Variants in MND1 observed in about 807,000 individuals in gnomAD.
MND1 encodes meiotic nuclear divisions 1, also known as meiotic nuclear division protein 1 homolog.
MND1 carries 28 observed loss-of-function variants against 35.1 expected under a neutral mutation model. The observed-to-expected ratio is 0.80, with a 90% CI of 0.59 to 1.09. The LOEUF is 1.09. Among genes scored for constraint, MND1 ranks in the 50% least tolerant of loss-of-function variants. The probability of loss-of-function intolerance (pLI) is 0.00; values close to 1 mark genes in which losing one functional copy is unlikely to be tolerated. For missense variants in MND1, 213 were observed against 239.6 expected, an observed-to-expected ratio of 0.89 and a Z score of 0.73; for synonymous variants, 69 against 70.5, an observed-to-expected ratio of 0.98 and a Z score of 0.11.
chr4:153,386,525 G>C (rs1319054542), intron 4 of MND1, among the ~76,000 whole-genome samples: 1 of 151,968 alleles, frequency 6.6e-6, no homozygotes, highest in South Asian at 2.1e-4. Context: ...AGACCAACCT[G>C]ACCAACATCG....
chr4:153,377,531 G>A (rs962075261), intron 4 of MND1, among the ~76,000 whole-genome samples: 1 of 152,154 alleles, frequency 6.6e-6, no homozygotes, highest in Non-Finnish European at 1.5e-5. Flanking sequence ...CTGTTCTCTA[G>A]AACCTCTCAC....
intron 4 of MND1, among the ~76,000 whole-genome samples, chr4:153,362,530 TGCAGAAGCA>T (rs1773521739): frequency 6.6e-6 from 1 of 152,238 alleles, no homozygotes; most frequent in African/African-American, 2.4e-5. Flanking sequence ...AAGTAGAGCC[TGCAGAAGCA>T]TGAACCAATT....
intron 4 of MND1, among the ~76,000 whole-genome samples, chr4:153,381,462 A>G (rs1456415670): frequency 2.7e-5 from 4 of 150,896 alleles, no homozygotes; most frequent in Admixed American, 6.6e-5. Flanking sequence ...TTTATTCTAC[A>G]AAAAACTGGG....
rs1027117652 is a variant in MND1, at chr4:153,344,715, G to A, written c.-23G>A. 2 of 1,588,708 alleles carry A rather than the reference G, an allele frequency of 1.3e-6. No individual in the cohort carries two copies. The highest frequency in any genetic ancestry group is 1.7e-6 in the Non-Finnish European group (2 of 1,168,942). The stretch of plus-strand genomic sequence containing the variant: ...CTCTCCCCAAGCGCGGGCCCGGCCA[G>A]CGGAAGCCCCTGCGCCCGCGCCATG... On this transcript the variant is annotated 5_prime_UTR_variant, in exon 1 of 8. Transcript: ENST00000240488.
intron 6 of MND1, 90 bp downstream of exon 6, chr4:153,397,423 T>C: frequency 1.2e-6 from 1 of 849,784 alleles, no homozygotes; most frequent in Non-Finnish European, 1.8e-6. Context: ...TCTCCATGTA[T>C]ATGAGAAAAT....
At chr4:153,392,916 TCAAGAC>T (rs1729085949) in intron 4 of MND1, among the ~76,000 whole-genome samples, 1 of 152,100 alleles carries the variant, frequency 6.6e-6, no homozygotes, top group Non-Finnish European at 1.5e-5. Flanking sequence ...GCCTAGGGAT[TCAAGAC>T]CAGCCTGGGC....
At chr4:153,358,969 G>A (rs879733220) in intron 4 of MND1, among the ~76,000 whole-genome samples, 4 of 151,942 alleles carry the variant, frequency 2.6e-5, no homozygotes, top group African/African-American at 7.3e-5. Context: ...CCCTCACCAC[G>A]CACACAATTT....
At chr4:153,351,510 T>C (rs1289243211) in intron 2 of MND1, among the ~76,000 whole-genome samples, 1 of 152,198 alleles carries the variant, frequency 6.6e-6, no homozygotes, top group Non-Finnish European at 1.5e-5. Context: ...GGAAAAGTAA[T>C]GGAGGCCATT....
At chr4:153,413,977 TC>T (rs960907898) in intron 7 of MND1, among the ~76,000 whole-genome samples, 2 of 152,196 alleles carry the variant, frequency 1.3e-5, no homozygotes, top group African/African-American at 4.8e-5. Flanking sequence ...ACATTTCTGT[TC>T]TTAGTCTTAA....
At chr4:153,360,594 G>A (rs1231912667) in intron 4 of MND1, among the ~76,000 whole-genome samples, 2 of 145,250 alleles carry the variant, frequency 1.4e-5, no homozygotes, top group Non-Finnish European at 3.0e-5. Context: ...ATGTGTGTGT[G>A]TGTGTGTGTG....
chr4:153,344,655 C>T (rs1350647486), upstream of MND1: 6 of 1,291,878 alleles, frequency 4.6e-6, no homozygotes, highest in African/African-American at 9.2e-5. Context: ...GCGTAGTCGG[C>T]GCCAAAATCA....
chr4:153,380,303 T>A (rs920090984), intron 4 of MND1, among the ~76,000 whole-genome samples: 1 of 151,034 alleles, frequency 6.6e-6, no homozygotes, highest in Non-Finnish European at 1.5e-5. Context: ...ACTAGATTTC[T>A]TTTTTTTTGG....
chr4:153,372,759 A>G (rs1051420137), intron 4 of MND1, among the ~76,000 whole-genome samples: 2 of 152,158 alleles, frequency 1.3e-5, no homozygotes, highest in East Asian at 1.9e-4. Flanking sequence ...ACTCAATAAA[A>G]TTATTTTAAG....
chr4:153,386,026 T>A (rs997216609), intron 4 of MND1, among the ~76,000 whole-genome samples: 1 of 152,118 alleles, frequency 6.6e-6, no homozygotes, highest in African/African-American at 2.4e-5. Flanking sequence ...GTTCACTGAT[T>A]GTAGCAAATG....
At chr4:153,353,317 A>G (rs887687783) in intron 2 of MND1, among the ~76,000 whole-genome samples, 28 of 150,174 alleles carry the variant, frequency 1.9e-4, no homozygotes, top group African/African-American at 6.3e-4. Flanking sequence ...ATTTTCAAAC[A>G]TACAGCAAAG....
chr4:153,370,708 C>T (rs1314865550), intron 4 of MND1, among the ~76,000 whole-genome samples: 1 of 151,986 alleles, frequency 6.6e-6, no homozygotes, highest in Non-Finnish European at 1.5e-5. Context: ...TTAGTAGAGA[C>T]AGGGTTTCAC....
At chr4:153,403,240 T>G (rs1212658868) in intron 6 of MND1, among the ~76,000 whole-genome samples, 5 of 152,208 alleles carry the variant, frequency 3.3e-5, no homozygotes, top group Non-Finnish European at 5.9e-5. Context: ...GTTCACATTC[T>G]CAGTGAAGAC....
intron 6 of MND1, among the ~76,000 whole-genome samples, chr4:153,398,525 G>A (rs562995061): frequency 9.2e-5 from 14 of 152,280 alleles, no homozygotes; most frequent in East Asian, 5.8e-4. Flanking sequence ...GCTGCTTTGC[G>A]CAACTCCAGG....
intron 2 of MND1, among the ~76,000 whole-genome samples, chr4:153,350,750 A>T (rs6821156): frequency 0.55 from 83,713 of 151,940 alleles, 25,010 homozygotes; most frequent in African/African-American, 0.81. Flanking sequence ...AGGCTTTTCT[A>T]TGTCTTCAGG....
Sources: allele counts gnomAD v4.1 joint callset (sites outside exome capture counted in the v4.1 genomes callset), GRCh38; gene constraint gnomAD v4.1.1; transcripts MANE v1.5; gene names NCBI Gene and HGNC (gene_info 2026-07-23, HGNC 2026-07-21).